The following CHLSN variants were observed in gnomAD, a reference collection of about 807,000 sequenced individuals.
The protein encoded by CHLSN is protein cholesin.
At chr7:1,034,144 T>C in the CHLSN span, among the ~76,000 whole-genome samples, 1 of 152,226 alleles carries the variant, frequency 6.6e-6, no homozygotes, top group Non-Finnish European at 1.5e-5. Context: ...TCGCGGAAAC[T>C]GGCATTCCCG....
At chr7:1,048,491 C>T in the CHLSN span, among the ~76,000 whole-genome samples, 1 of 152,070 alleles carries the variant, frequency 6.6e-6, no homozygotes. Context: ...GGGTGGTCAC[C>T]ATCCCCACAC....
At chr7:1,028,284 G>A in the CHLSN span, 3 of 1,068,896 alleles carry the variant, frequency 2.8e-6, no homozygotes, top group African/African-American at 1.7e-5. Context: ...AGGTCCCGCG[G>A]GCACGGACGG....
At chr7:1,052,810 C>T in the CHLSN span, among the ~76,000 whole-genome samples, 3 of 152,070 alleles carry the variant, frequency 2.0e-5, no homozygotes, top group Admixed American at 1.3e-4. This position sits in a 1 kb window ranked among gnomAD's most constrained non-coding sequence, Gnocchi z 4.2. Flanking sequence ...CAAGAGGGAC[C>T]TGCAGCATGG....
chr7:1,096,885 G>C, the CHLSN span, among the ~76,000 whole-genome samples: 1 of 152,190 alleles, frequency 6.6e-6, no homozygotes, highest in Non-Finnish European at 1.5e-5. The surrounding 1 kb of genome is among the most constrained non-coding windows in gnomAD (Gnocchi z 4.6). Flanking sequence ...GGGGCAGGGT[G>C]GGGGAGAGAA....
chr7:1,114,281 G>A, the CHLSN span, among the ~76,000 whole-genome samples: 1 of 152,230 alleles, frequency 6.6e-6, no homozygotes, highest in African/African-American at 2.4e-5. Flanking sequence ...GAGGCAGAAA[G>A]ACCTGCTGCC....
At chr7:1,123,076 C>CGA in the CHLSN span, among the ~76,000 whole-genome samples, 1 of 152,194 alleles carries the variant, frequency 6.6e-6, no homozygotes, top group Non-Finnish European at 1.5e-5. This position sits in a 1 kb window ranked among gnomAD's most constrained non-coding sequence, Gnocchi z 4.4. Flanking sequence ...CACCCAGAGC[C>CGA]GAGACCCTGA....
the CHLSN span, among the ~76,000 whole-genome samples, chr7:988,051 C>T: frequency 1.5e-3 from 158 of 104,576 alleles, 5 homozygotes; most frequent in East Asian, 0.042. Context: ...TGTCCTGGGG[C>T]GTCCCTCTCC....
the CHLSN span, among the ~76,000 whole-genome samples, chr7:1,117,328 T>G: frequency 1.1e-5 from 1 of 88,320 alleles, no homozygotes; most frequent in African/African-American, 6.2e-5. Flanking sequence ...CCGGCTTCCA[T>G]CACCGACGCC....
chr7:1,054,267 C>T, the CHLSN span, among the ~76,000 whole-genome samples: 4 of 152,230 alleles, frequency 2.6e-5, no homozygotes, highest in Non-Finnish European at 5.9e-5. Context: ...AAAACAGGTA[C>T]GGCTCGGCTT....
the CHLSN span, among the ~76,000 whole-genome samples, chr7:1,055,909 G>A: frequency 6.6e-6 from 1 of 152,174 alleles, no homozygotes; most frequent in African/African-American, 2.4e-5. Flanking sequence ...AGTGGAGTCT[G>A]GGGGGTGACG....
At chr7:1,014,580 A>G in the CHLSN span, among the ~76,000 whole-genome samples, 1 of 152,382 alleles carries the variant, frequency 6.6e-6, no homozygotes, top group South Asian at 2.1e-4. Flanking sequence ...GCAAAAATAA[A>G]AACCATCATC....
At chr7:1,134,635 G>A in the CHLSN span, among the ~76,000 whole-genome samples, 5 of 152,008 alleles carry the variant, frequency 3.3e-5, no homozygotes, top group East Asian at 9.7e-4. Context: ...TTGGGAGGCC[G>A]AGACAGGCAG....
At chr7:1,127,476 C>T in the CHLSN span, 14 of 1,196,764 alleles carry the variant, frequency 1.2e-5, no homozygotes, top group Non-Finnish European at 1.3e-5. Flanking sequence ...AGGGCACTCT[C>T]CCATTAAAAA....
the CHLSN span, among the ~76,000 whole-genome samples, chr7:1,019,221 G>GGC: frequency 7.3e-6 from 1 of 136,624 alleles, no homozygotes; most frequent in African/African-American, 2.6e-5. Flanking sequence ...ACGGGGGGGG[G>GGC]GGAGTGAAAG....
the CHLSN span, among the ~76,000 whole-genome samples, chr7:1,120,170 G>GT: frequency 6.6e-6 from 1 of 152,126 alleles, no homozygotes; most frequent in Non-Finnish European, 1.5e-5. Context: ...ATAAAAAGCT[G>GT]TTTTTTAAAA....
At chr7:979,334 G>A in the CHLSN span, among the ~76,000 whole-genome samples, 4 of 152,208 alleles carry the variant, frequency 2.6e-5, no homozygotes, top group Admixed American at 6.5e-5. Context: ...AGCCAAATGC[G>A]ATCGTCAAAG....
At chr7:1,014,323 C>T in the CHLSN span, among the ~76,000 whole-genome samples, 7 of 152,334 alleles carry the variant, frequency 4.6e-5, no homozygotes, top group East Asian at 1.9e-4. Flanking sequence ...TCCTTTATGC[C>T]TTTAACTCCT....
chr7:1,091,490 G>T, the CHLSN span: 1 of 492,656 alleles, frequency 2.0e-6, no homozygotes, highest in Non-Finnish European at 3.6e-6. Context: ...AGCACGCGGA[G>T]GGCCCTCGCC....
chr7:1,036,403 T>G, the CHLSN span, among the ~76,000 whole-genome samples: 2 of 150,666 alleles, frequency 1.3e-5, no homozygotes, highest in Admixed American at 1.3e-4. Context: ...GCTGTGGCCG[T>G]GCAGGGCTCG....
Sources: allele counts gnomAD v4.1 joint callset (sites outside exome capture counted in the v4.1 genomes callset), GRCh38; gene constraint gnomAD v4.1.1; non-coding constraint Gnocchi (gnomAD v3.1); transcripts MANE v1.5; gene names NCBI Gene and HGNC (gene_info 2026-07-23, HGNC 2026-07-21).